The following KCNAB1 variants were observed in gnomAD, a reference collection of about 807,000 sequenced individuals.
KCNAB1 encodes voltage-gated potassium channel subunit beta-1.
Under a neutral mutation model 64.6 loss-of-function variants are expected in KCNAB1, and 35 were observed. The ratio of observed to expected loss-of-function variants is 0.54; its 90% CI spans 0.41 to 0.72. KCNAB1 has a LOEUF of 0.72. KCNAB1 is among the 30% of genes least tolerant of loss of function. The pLI is 0.00. For missense variants in KCNAB1, 401 were observed against 512.9 expected (o/e 0.78, Z 2.11); for synonymous variants, 177 against 183.8 (o/e 0.96, Z 0.30).
At chr3:156,123,117 C>T (rs1434595722) in intron 1 of KCNAB1, among the ~76,000 whole-genome samples, 1 of 152,060 alleles carries the variant, frequency 6.6e-6, no homozygotes, top group East Asian at 1.9e-4. Flanking sequence ...ATAACATGGC[C>T]CATGAGTGAT....
intron 1 of KCNAB1, among the ~76,000 whole-genome samples, chr3:156,192,772 A>G (rs968439104): frequency 6.6e-6 from 1 of 152,076 alleles, no homozygotes; most frequent in African/African-American, 2.4e-5. Flanking sequence ...ATTTGCTTTG[A>G]AGTAGGCTTT....
chr3:156,463,007 T>C (rs1399197031), intron 5 of KCNAB1, among the ~76,000 whole-genome samples: 1 of 152,230 alleles, frequency 6.6e-6, no homozygotes, highest in African/African-American at 2.4e-5. Flanking sequence ...AGTAAAATGG[T>C]AGAAACTTGA....
chr3:156,179,995 G>C (rs1172699781), intron 1 of KCNAB1, among the ~76,000 whole-genome samples: 2 of 152,098 alleles, frequency 1.3e-5, no homozygotes, highest in Non-Finnish European at 2.9e-5. Flanking sequence ...AACATTTACT[G>C]TTTCAGATAC....
At chr3:156,327,695 C>T (rs940146907) in intron 1 of KCNAB1, among the ~76,000 whole-genome samples, 1 of 151,990 alleles carries the variant, frequency 6.6e-6, no homozygotes, top group Non-Finnish European at 1.5e-5. Flanking sequence ...GAGAAATATC[C>T]CAGGCACAGA....
intron 1 of KCNAB1, among the ~76,000 whole-genome samples, chr3:156,397,760 C>T (rs1713571755): frequency 6.6e-6 from 1 of 152,152 alleles, no homozygotes; most frequent in Non-Finnish European, 1.5e-5. Flanking sequence ...ATCCATTCTA[C>T]TCATTCTTTT....
chr3:156,317,755 C>T (rs1275146066), intron 1 of KCNAB1, among the ~76,000 whole-genome samples: 2 of 152,154 alleles, frequency 1.3e-5, no homozygotes, highest in Admixed American at 6.5e-5. Context: ...AGCCCTCACA[C>T]TTTTCACAAA....
intron 1 of KCNAB1, among the ~76,000 whole-genome samples, chr3:156,324,138 A>G (rs1161110482): frequency 1.3e-5 from 2 of 152,160 alleles, no homozygotes; most frequent in African/African-American, 4.8e-5. Context: ...GGGTATGATC[A>G]GAAATGTGAG....
chr3:156,354,094 T>A (rs1242873395), intron 1 of KCNAB1, among the ~76,000 whole-genome samples: 1 of 142,936 alleles, frequency 7.0e-6, no homozygotes, highest in African/African-American at 2.6e-5. Flanking sequence ...TGTATATATA[T>A]AATATATGTA....
intron 1 of KCNAB1, among the ~76,000 whole-genome samples, chr3:156,367,119 T>C (rs1725990107): frequency 6.6e-6 from 1 of 152,010 alleles, no homozygotes. Flanking sequence ...CATGAATAAT[T>C]AGTGCCGCTA....
intron 1 of KCNAB1, among the ~76,000 whole-genome samples, chr3:156,158,039 C>T (rs1715827342): frequency 6.6e-6 from 1 of 151,618 alleles, no homozygotes; most frequent in Non-Finnish European, 1.5e-5. Context: ...GTGGCTGGTG[C>T]CTGTAGTCCC....
At chr3:156,374,062 T>A (rs1231163660) in intron 1 of KCNAB1, among the ~76,000 whole-genome samples, 1 of 152,222 alleles carries the variant, frequency 6.6e-6, no homozygotes, top group African/African-American at 2.4e-5. Context: ...AGTTTCTTCA[T>A]CTGTAAGATG....
At chr3:156,184,091 CTAT>C (rs1400939222) in intron 1 of KCNAB1, among the ~76,000 whole-genome samples, 4 of 152,196 alleles carry the variant, frequency 2.6e-5, no homozygotes, top group Non-Finnish European at 5.9e-5. Context: ...TATACTATTA[CTAT>C]TATTGTACAA....
chr3:156,511,355 G>A (rs1201875258), intron 8 of KCNAB1, among the ~76,000 whole-genome samples: 14 of 152,040 alleles, frequency 9.2e-5, no homozygotes, highest in Admixed American at 8.5e-4. Context: ...CACCCGCCTC[G>A]GCCTCCCAAA....
intron 11 of KCNAB1, among the ~76,000 whole-genome samples, chr3:156,520,568 AC>A (rs1011920510): frequency 3.9e-5 from 6 of 152,066 alleles, no homozygotes; most frequent in African/African-American, 1.4e-4. Flanking sequence ...ATACAATGAG[AC>A]CCTGTCTCGA....
intron 1 of KCNAB1, among the ~76,000 whole-genome samples, chr3:156,139,558 A>G (rs1289993420): frequency 1.7e-5 from 2 of 119,348 alleles, no homozygotes; most frequent in Non-Finnish European, 3.4e-5. Flanking sequence ...GGGAATGCTA[A>G]TTTCTCCCTA....
Position 156,497,693 on chromosome 3 carries a change from G to A in KCNAB1, c.659-16671G>A, listed in dbSNP as rs185623726. 7.2e-3 allele frequency among the ~76,000 whole-genome samples: 1,090 copies of A among 151,566 alleles called. 13 individuals are homozygous for A. The highest frequency in any genetic ancestry group is 0.025 in the African/African-American group (1,024 of 40,844). On this transcript the variant is annotated intron_variant, in intron 8 of 13. Coordinates refer to ENST00000490337, the MANE Select transcript of KCNAB1 (RefSeq NM_172160.3). ...GATGCTTCCAAGTATAAAAATAACT[G>A]TTCCACTAATGAATATAGAAATATT...
intron 1 of KCNAB1, among the ~76,000 whole-genome samples, chr3:156,246,474 A>G (rs1364789345): frequency 1.3e-5 from 2 of 152,084 alleles, no homozygotes; most frequent in African/African-American, 4.8e-5. Flanking sequence ...GTGGTGGCGC[A>G]TGCCTGTAAT....
intron 1 of KCNAB1, among the ~76,000 whole-genome samples, chr3:156,386,125 A>G (rs1425887869): frequency 1.3e-5 from 2 of 152,246 alleles, no homozygotes; most frequent in African/African-American, 4.8e-5. Context: ...AGACCGAGGC[A>G]AACTTTAGAG....
intron 1 of KCNAB1, among the ~76,000 whole-genome samples, chr3:156,129,230 A>G (rs980404577): frequency 2.0e-5 from 3 of 151,994 alleles, no homozygotes; most frequent in Non-Finnish European, 4.4e-5. Flanking sequence ...ATGCTTAAGT[A>G]TGTTCCAGGT....
Sources: gnomAD v4.1 joint callset for allele counts (sites outside exome capture counted in the v4.1 genomes callset) on GRCh38, gnomAD v4.1.1 for gene constraint, MANE v1.5 for transcripts, NCBI Gene and HGNC (gene_info 2026-07-23, HGNC 2026-07-21) for gene names.